Variants in HACD1 observed in about 807,000 individuals in gnomAD.
The protein encoded by HACD1 is 3-hydroxyacyl-CoA dehydratase 1, also known as very-long-chain (3R)-3-hydroxyacyl-CoA dehydratase 1.
In HACD1, 41 loss-of-function variants were observed where a neutral mutation model predicts 32.0. The ratio of observed to expected loss-of-function variants is 1.28; its 90% CI spans 1.00 to 1.66. HACD1 has a LOEUF of 1.66. Among genes scored for constraint, HACD1 ranks in the 40% most tolerant of loss-of-function variants. The probability of loss-of-function intolerance (pLI) is 0.00; values close to 1 mark genes in which losing one functional copy is unlikely to be tolerated. For missense variants in HACD1, 396 were observed against 380.1 expected (o/e 1.04, Z -0.35); for synonymous variants, 142 against 139.0 (o/e 1.02, Z -0.15).
At chr10:17,606,401 G>A (rs943398184) in intron 1 of HACD1, among the ~76,000 whole-genome samples, 4 of 152,058 alleles carry the variant, frequency 2.6e-5, no homozygotes, top group Non-Finnish European at 4.4e-5. Context: ...CCAAAAGCAC[G>A]TTTAAGTTTA....
At position 17,617,165 on chromosome 10, in the gene HACD1, G is replaced by C. The variant is rs1554818231; in HGVS notation, c.175C>G (p.Arg59Gly). Residue 59 changes from arginine (R) to glycine (G), a missense_variant, in exon 1 of 7, where the codon CGG becomes GGG. Coordinates refer to ENST00000361271, the MANE Select transcript of HACD1 (RefSeq NM_014241.4). ...CGCCTCCGCTCGCCGGGAGCCTCCC[G>C]GTCCTCGCCGGCCTCCGAGGCGCCG... ...NGGASEAGED[R>G]EAPGERRRLG... 8 of 1,505,410 alleles carry C rather than the reference G, an allele frequency of 5.3e-6. No individual in the cohort carries two copies. The highest frequency in any genetic ancestry group is 6.2e-6 in the Non-Finnish European group (7 of 1,131,104). 93.3% of individuals were successfully genotyped at this position (1,505,410 alleles called of 1,614,324 possible).
intron 1 of HACD1, among the ~76,000 whole-genome samples, chr10:17,605,446 A>G (rs955090637): frequency 1.3e-5 from 2 of 151,668 alleles, no homozygotes; most frequent in African/African-American, 4.9e-5. Context: ...AATTGCTCCA[A>G]CCTGGGAAGT....
intron 1 of HACD1, among the ~76,000 whole-genome samples, chr10:17,608,597 GTGCCT>G (rs1296532866): frequency 6.6e-6 from 1 of 151,428 alleles, no homozygotes; most frequent in East Asian, 1.9e-4. Context: ...AGTGATTCTC[GTGCCT>G]TAGCCTCCCA....
intron 5 of HACD1, among the ~76,000 whole-genome samples, chr10:17,597,921 G>A (rs563205624): frequency 9.9e-5 from 15 of 152,062 alleles, no homozygotes; most frequent in African/African-American, 3.4e-4. Context: ...GTGGTAAGCC[G>A]CAAGTGTCTA....
intron 1 of HACD1, among the ~76,000 whole-genome samples, chr10:17,605,723 G>A (rs1294514481): frequency 6.6e-6 from 1 of 151,836 alleles, no homozygotes; most frequent in Non-Finnish European, 1.5e-5. Context: ...GAAGGTTGAG[G>A]TGGGTGGATC....
intron 6 of HACD1, among the ~76,000 whole-genome samples, chr10:17,592,522 G>A (rs1285946525): frequency 2.6e-5 from 4 of 152,078 alleles, no homozygotes; most frequent in African/African-American, 9.7e-5. Flanking sequence ...GTGGGACTCA[G>A]TAGCTGGCAG....
In HACD1 at chr10:17,593,338, A is replaced by G. The variant is rs528597459; in HGVS notation, c.784+867T>C. On this transcript the variant is annotated intron_variant, in intron 6 of 6. Transcript: ENST00000361271. ...CCCCACGCCTTTTTTTTTTTGAGAC[A>G]GAGTCTCACTCTTATTGCCCAGGCT... Among the ~76,000 whole-genome samples, 38 of 150,168 alleles carry G rather than the reference A, an allele frequency of 2.5e-4. No individual in the cohort carries two copies. The East Asian group carries it at 7.4e-3, about 29-fold the overall frequency.
intron 6 of HACD1, among the ~76,000 whole-genome samples, chr10:17,592,797 C>T (rs998098647): frequency 6.6e-6 from 1 of 152,184 alleles, no homozygotes; most frequent in Non-Finnish European, 1.5e-5. Flanking sequence ...TTAGCTCTCC[C>T]GAACTGGCTG....
intron 1 of HACD1, among the ~76,000 whole-genome samples, chr10:17,605,785 C>A (rs1250583199): frequency 6.6e-6 from 1 of 151,868 alleles, no homozygotes; most frequent in African/African-American, 2.4e-5. Context: ...AAAACCCCAT[C>A]TCTATTAAAA....
chr10:17,611,639 G>T (rs1399923655), intron 1 of HACD1, among the ~76,000 whole-genome samples: 12 of 152,170 alleles, frequency 7.9e-5, no homozygotes, highest in African/African-American at 2.9e-4. Context: ...GGAGAGAAAT[G>T]CTCACTTCCC....
In HACD1 at chr10:17,612,920, C is replaced by CA. The variant is rs67797913; in HGVS notation, c.257+4162dup. 4.1e-3 allele frequency among the ~76,000 whole-genome samples: 512 copies of CA among 125,420 alleles called. 4 individuals carry two copies. Among genetic ancestry groups the CA allele is most frequent in the African/African-American group, 7.9e-3 (272 of 34,252 alleles). 82.3% of individuals were successfully genotyped at this position (125,420 alleles called of 152,430 possible). The stretch of plus-strand genomic sequence containing the variant: ...TGGGTGATAGAGCAAGACTCCGTCT[C>CA]AAAAAAAAAAAAACAAAAACAAAAA... On this transcript the variant is annotated intron_variant, in intron 1 of 6. Transcript: ENST00000361271.
chr10:17,612,185 T>C (rs1554817574), intron 1 of HACD1, among the ~76,000 whole-genome samples: 1 of 151,410 alleles, frequency 6.6e-6, no homozygotes, highest in East Asian at 1.9e-4. Context: ...AGGAATTTAT[T>C]ACACTAAGCC....
chr10:17,603,244 G>T (rs917604126), intron 4 of HACD1: 95 of 216,634 alleles, frequency 4.4e-4, no homozygotes, highest in African/African-American at 2.1e-3. Context: ...AGGACAACTT[G>T]GATTGAAAAG....
rs200831092 is a variant in HACD1, at chr10:17,603,660, A to G, written c.395-12T>C. On this transcript the variant is annotated splice_polypyrimidine_tract_variant and intron_variant, in intron 3 of 6. Coordinates refer to ENST00000361271, the MANE Select transcript of HACD1 (RefSeq NM_014241.4). ...AGTAGGTACAATTCCTTAAAAAGAA[A>G]AACAAGTGAACTATTGCCCTAAAGG... is the stretch of plus-strand genomic sequence containing the variant. 5.0e-6 allele frequency: 8 copies of G among 1,610,792 alleles called. No homozygotes were observed. Among genetic ancestry groups the G allele is most frequent in the Non-Finnish European group, 6.8e-6 (8 of 1,177,252 alleles).
chr10:17,598,278 A>AAAAAAAAAAG (rs370233736), intron 5 of HACD1, among the ~76,000 whole-genome samples: 2 of 146,378 alleles, frequency 1.4e-5, no homozygotes, highest in Non-Finnish European at 3.0e-5. Context: ...AAAAAAAAAA[A>AAAAAAAAAAG]AGAGAAAAAA....
chr10:17,601,565 A>ATCTCTCTAG (rs1371920350), intron 4 of HACD1, among the ~76,000 whole-genome samples: 1 of 151,998 alleles, frequency 6.6e-6, no homozygotes, highest in Non-Finnish European at 1.5e-5. Flanking sequence ...CTTTACCTCC[A>ATCTCTCTAG]TCTCTCTAGT....
At chr10:17,604,857 C>A (rs1480904319) in intron 1 of HACD1, among the ~76,000 whole-genome samples, 6 of 152,048 alleles carry the variant, frequency 3.9e-5, no homozygotes, top group Non-Finnish European at 7.4e-5. Context: ...AGGTGTGCGC[C>A]ATCATATCCA....
chr10:17,604,165 A>G, intron 1 of HACD1, 118 bp from the exon 2 acceptor site: 1 of 709,798 alleles, frequency 1.4e-6, no homozygotes, highest in South Asian at 1.9e-5. Flanking sequence ...CCAGGTGTCC[A>G]TAAGTGAGTG....
At chr10:17,599,855 A>G (rs933474686) in intron 4 of HACD1, among the ~76,000 whole-genome samples, 1 of 152,202 alleles carries the variant, frequency 6.6e-6, no homozygotes, top group Non-Finnish European at 1.5e-5. Context: ...TGTTTCCTAA[A>G]TAGTCTTTCC....
Sources: gnomAD v4.1 joint callset for allele counts (sites outside exome capture counted in the v4.1 genomes callset) on GRCh38, gnomAD v4.1.1 for gene constraint, MANE v1.5 for transcripts, NCBI Gene and HGNC (gene_info 2026-07-23, HGNC 2026-07-21) for gene names.